RBFOX1: variants seen among roughly 807,000 people sequenced by gnomAD.
RBFOX1 encodes the protein RNA binding protein fox-1 homolog 1.
Under a neutral mutation model 57.7 loss-of-function variants are expected in RBFOX1, and 8 were observed. The ratio of observed to expected loss-of-function variants is 0.14; its 90% CI spans 0.08 to 0.25. RBFOX1 has a LOEUF of 0.25. Ranked by LOEUF, RBFOX1 falls within the 10% of genes least tolerant of loss-of-function variation. The pLI, the probability that RBFOX1 is intolerant of heterozygous loss-of-function variation, is 1.00. For synonymous variants in RBFOX1, 326 were observed against 222.4 expected (o/e 1.47, Z -4.15); for missense variants, 611 against 548.5 (o/e 1.11, Z -1.14).
chr16:6,786,502 C>A (rs926717139), intron 3 of RBFOX1, among the ~76,000 whole-genome samples: 1 of 152,090 alleles, frequency 6.6e-6, no homozygotes, highest in Non-Finnish European at 1.5e-5. Context: ...CCTTAAAAGA[C>A]TGTAGCTGTG....
intron 4 of RBFOX1, among the ~76,000 whole-genome samples, chr16:7,069,772 C>A (rs936581475): frequency 2.0e-5 from 3 of 152,094 alleles, no homozygotes; most frequent in African/African-American, 7.2e-5. Context: ...GCCCCAGTTG[C>A]CCATAGTGGG....
At chr16:5,672,733 G>A (rs780961572) in intron 3 of RBFOX1, among the ~76,000 whole-genome samples, 2 of 152,194 alleles carry the variant, frequency 1.3e-5, no homozygotes, top group Non-Finnish European at 1.5e-5. Flanking sequence ...AAACTTTAGC[G>A]GTTGTTGGTT....
At chr16:7,034,898 G>C (rs1405099720) in intron 3 of RBFOX1, among the ~76,000 whole-genome samples, 3 of 112,876 alleles carry the variant, frequency 2.7e-5, no homozygotes, top group African/African-American at 7.6e-5. Context: ...GCCCAGGCTG[G>C]AGTGCAGTGG....
Position 5,884,617 on chromosome 16 carries a change from C to T in RBFOX1, c.351+17282C>T, listed in dbSNP as rs187426410. ...TTCCAACGTAGCCATAAGCCTTTCC[C>T]GTGGATTGCTCATCCCCATGTTCTC... On this transcript the variant is annotated intron_variant, in intron 4 of 19. Transcript: ENST00000641259. Among the ~76,000 whole-genome samples the T allele has an allele frequency of 3.3e-5, 5 of 152,208 alleles. No individual in the cohort carries two copies. In the East Asian group the frequency reaches 5.8e-4, roughly 18 times the overall value.
chr16:6,483,076 G>T, intron 2 of RBFOX1: 3 of 947,782 alleles, frequency 3.2e-6, no homozygotes, highest in Non-Finnish European at 3.8e-6. Flanking sequence ...AGCTTTGCAA[G>T]TGCCTCCGAC....
chr16:7,018,253 T>G (rs778706178), intron 3 of RBFOX1, among the ~76,000 whole-genome samples: 1 of 152,134 alleles, frequency 6.6e-6, no homozygotes, highest in South Asian at 2.1e-4. Context: ...TCTAGGTGTT[T>G]CCTCCAGCTT....
At chr16:7,661,724 G>T (rs766312861) in intron 12 of RBFOX1, among the ~76,000 whole-genome samples, 1 of 152,196 alleles carries the variant, frequency 6.6e-6, no homozygotes, top group South Asian at 2.1e-4. Flanking sequence ...TTGGGGTACA[G>T]GAAAGCTTTC....
chr16:7,476,928 C>T (rs180893415), intron 4 of RBFOX1, among the ~76,000 whole-genome samples: 2 of 152,248 alleles, frequency 1.3e-5, no homozygotes. Context: ...AAAGCTTTAC[C>T]AAGCTGCCCT....
intron 3 of RBFOX1, chr16:6,703,766 C>T (rs1195882763): frequency 2.0e-5 from 3 of 152,202 alleles, no homozygotes; most frequent in African/African-American, 7.2e-5. Context: ...ACAAGACCAG[C>T]AACTGAATCC....
chr16:6,748,277 C>A (rs1053139007), intron 3 of RBFOX1, among the ~76,000 whole-genome samples: 4 of 152,166 alleles, frequency 2.6e-5, no homozygotes, highest in African/African-American at 9.6e-5. Flanking sequence ...CTCTCTCTCT[C>A]TCTCTACACA....
intron 3 of RBFOX1, among the ~76,000 whole-genome samples, chr16:5,679,883 C>T (rs1158271449): frequency 6.6e-6 from 1 of 152,142 alleles, no homozygotes. Flanking sequence ...TCATAGTGAG[C>T]AAAATGTTTA....
chr16:6,533,492 G>C (rs923095272), intron 2 of RBFOX1, among the ~76,000 whole-genome samples: 1 of 152,112 alleles, frequency 6.6e-6, no homozygotes, highest in African/African-American at 2.4e-5. Flanking sequence ...CTCTACACTT[G>C]ACACAGCCTC....
At chr16:6,711,404 T>C (rs1053787565) in intron 3 of RBFOX1, among the ~76,000 whole-genome samples, 4 of 152,194 alleles carry the variant, frequency 2.6e-5, no homozygotes, top group Non-Finnish European at 5.9e-5. Flanking sequence ...CCTGATATGG[T>C]TTGACTCTGT....
chr16:7,629,355 T>C (rs1596845324), intron 10 of RBFOX1, among the ~76,000 whole-genome samples: 1 of 152,264 alleles, frequency 6.6e-6, no homozygotes, highest in African/African-American at 2.4e-5. Context: ...AGAAGGAGCA[T>C]AGAACCATTC....
chr16:5,919,145 T>G (rs949289198), intron 4 of RBFOX1, among the ~76,000 whole-genome samples: 1 of 152,170 alleles, frequency 6.6e-6, no homozygotes. Flanking sequence ...CTTCTTATCC[T>G]GATATGTAGA....
intron 2 of RBFOX1, among the ~76,000 whole-genome samples, chr16:6,524,430 G>C (rs2096550994): frequency 6.6e-6 from 1 of 152,126 alleles, no homozygotes; most frequent in Admixed American, 6.6e-5. Flanking sequence ...TCTTTTTATG[G>C]CAGCAGTGTT....
chr16:5,658,574 T>C (rs1198711421), intron 3 of RBFOX1, among the ~76,000 whole-genome samples: 2 of 152,028 alleles, frequency 1.3e-5, no homozygotes, highest in Admixed American at 1.3e-4. Flanking sequence ...GCACAGAGCT[T>C]AGCTCCCACT....
chr16:5,430,131 A>C (rs538208144), intron 1 of RBFOX1, among the ~76,000 whole-genome samples: 13 of 152,222 alleles, frequency 8.5e-5, no homozygotes, highest in Non-Finnish European at 1.8e-4. Context: ...CTGGGGGGAT[A>C]CAGGGAGAAG....
At chr16:7,403,097 T>C (rs1249704564) in intron 4 of RBFOX1, among the ~76,000 whole-genome samples, 1 of 152,188 alleles carries the variant, frequency 6.6e-6, no homozygotes, top group Non-Finnish European at 1.5e-5. Context: ...CCCGGCTCTA[T>C]GGGGGTACAA....
Sources: allele counts gnomAD v4.1 joint callset (sites outside exome capture counted in the v4.1 genomes callset), GRCh38; gene constraint gnomAD v4.1.1; transcripts MANE v1.5; gene names NCBI Gene and HGNC (gene_info 2026-07-23, HGNC 2026-07-21).